DDX10: variants seen among roughly 807,000 people sequenced by gnomAD.
DDX10 encodes probable ATP-dependent RNA helicase DDX10.
DDX10 carries 74 observed loss-of-function variants against 104.3 expected under a neutral mutation model. The observed-to-expected ratio is 0.71, with a 90% CI of 0.59 to 0.86. The LOEUF is 0.86. Among genes scored for constraint, DDX10 ranks in the 40% least tolerant of loss-of-function variants. The pLI, the probability that DDX10 is intolerant of heterozygous loss-of-function variation, is 0.00. For missense variants in DDX10, 952 were observed against 1,040.0 expected (o/e 0.92, Z 1.16); for synonymous variants, 351 against 353.4 (o/e 0.99, Z 0.08).
chr11:108,827,871 A>G (rs1225452227), intron 13 of DDX10, among the ~76,000 whole-genome samples: 2 of 152,224 alleles, frequency 1.3e-5, no homozygotes, highest in Non-Finnish European at 2.9e-5. Context: ...AGTTGATGCC[A>G]TATTTTCATT....
chr11:108,757,891 A>G (rs1052986047), intron 13 of DDX10, among the ~76,000 whole-genome samples: 1 of 151,860 alleles, frequency 6.6e-6, no homozygotes, highest in African/African-American at 2.4e-5. Flanking sequence ...TTTTGGTTTT[A>G]TCAGTACCTT....
intron 16 of DDX10, among the ~76,000 whole-genome samples, chr11:108,909,833 A>T (rs1591121407): frequency 1.3e-5 from 2 of 152,326 alleles, no homozygotes; most frequent in Admixed American, 1.3e-4. Context: ...AGGCACCACA[A>T]CAGGCAAGAA....
rs532128849 is a variant in DDX10 at position 108,849,450 on chromosome 11, C to T, written c.2248-2703C>T. Among the ~76,000 whole-genome samples, 10 of 152,090 alleles carry T rather than the reference C, an allele frequency of 6.6e-5. No individual in the cohort carries two copies. In the South Asian group the frequency reaches 2.1e-3, roughly 32 times the overall value. ...GAATGAAAAAGTTTAAATTAGTAGT[C>T]ATGACTGCTCATGAAATTCATGTTT... On this transcript the variant is annotated intron_variant, in intron 15 of 17. Transcript: ENST00000322536.
chr11:108,751,754 A>G (rs1044246171), intron 13 of DDX10, among the ~76,000 whole-genome samples: 1 of 152,192 alleles, frequency 6.6e-6, no homozygotes, highest in Non-Finnish European at 1.5e-5. Flanking sequence ...CTTAAGATTC[A>G]CATCTCCCAT....
At chr11:108,699,697 C>T (rs529507083) in intron 9 of DDX10, among the ~76,000 whole-genome samples, 1 of 152,184 alleles carries the variant, frequency 6.6e-6, no homozygotes, top group Admixed American at 6.5e-5. Context: ...AGGGGGACTA[C>T]ACAAGGGTGT....
intron 16 of DDX10, among the ~76,000 whole-genome samples, chr11:108,878,485 T>C (rs1389994322): frequency 3.3e-5 from 5 of 152,230 alleles, no homozygotes; most frequent in Non-Finnish European, 7.3e-5. Context: ...GGTTTTCTTT[T>C]CTTGTTTTCT....
chr11:108,754,230 T>A (rs2094341922), intron 13 of DDX10, among the ~76,000 whole-genome samples: 1 of 152,056 alleles, frequency 6.6e-6, no homozygotes, highest in African/African-American at 2.4e-5. Flanking sequence ...CAGTATAGAT[T>A]CCAAAGGCCT....
intron 16 of DDX10, among the ~76,000 whole-genome samples, chr11:108,898,416 C>T (rs943278388): frequency 2.0e-5 from 3 of 151,914 alleles, no homozygotes; most frequent in Admixed American, 6.6e-5. Context: ...AATCATGTCC[C>T]CTAGAGGGTG....
chr11:108,925,750 C>T (rs115036839), intron 17 of DDX10, among the ~76,000 whole-genome samples: 1,533 of 151,804 alleles, frequency 0.01, 24 homozygotes, highest in African/African-American at 0.035. Context: ...TTTTAATTTT[C>T]GCTATTGTAA....
chr11:108,892,818 TA>T (rs1205059266), intron 16 of DDX10, among the ~76,000 whole-genome samples: 1 of 152,178 alleles, frequency 6.6e-6, no homozygotes, highest in East Asian at 1.9e-4. Context: ...AAAAGGTTAA[TA>T]ACCTTGGACT....
At chr11:108,761,358 T>A (rs2094350652) in intron 13 of DDX10, among the ~76,000 whole-genome samples, 1 of 152,170 alleles carries the variant, frequency 6.6e-6, no homozygotes, top group Non-Finnish European at 1.5e-5. Flanking sequence ...AGGCAGCGCC[T>A]CTAAATTTTT....
At chr11:108,718,688 G>C (rs939986294) in intron 11 of DDX10, among the ~76,000 whole-genome samples, 1 of 152,166 alleles carries the variant, frequency 6.6e-6, no homozygotes, top group Admixed American at 6.5e-5. Flanking sequence ...TGGTTGTCAC[G>C]CATGGTTTAG....
At chr11:108,760,705 A>G (rs1431412332) in intron 13 of DDX10, among the ~76,000 whole-genome samples, 2 of 148,212 alleles carry the variant, frequency 1.3e-5, no homozygotes, top group Non-Finnish European at 3.0e-5. Context: ...ATTGGACTTC[A>G]GGGCCTGTAT....
chr11:108,928,268 A>G (rs1411070216), intron 17 of DDX10, among the ~76,000 whole-genome samples: 1 of 152,242 alleles, frequency 6.6e-6, no homozygotes, highest in African/African-American at 2.4e-5. Context: ...ATAATATATC[A>G]GTGAATCAGT....
At chr11:108,744,554 A>G (rs1204797515) in intron 13 of DDX10, among the ~76,000 whole-genome samples, 1 of 152,182 alleles carries the variant, frequency 6.6e-6, no homozygotes, top group Non-Finnish European at 1.5e-5. Context: ...TAGCCTGAGT[A>G]TTTGGGAGTG....
At chr11:108,700,548 C>A (rs1184537933) in intron 9 of DDX10, among the ~76,000 whole-genome samples, 2 of 152,214 alleles carry the variant, frequency 1.3e-5, no homozygotes, top group Admixed American at 6.5e-5. Context: ...AGGTAGATGT[C>A]TTCAAATTTG....
intron 13 of DDX10, among the ~76,000 whole-genome samples, chr11:108,817,218 A>G (rs1862267739): frequency 6.6e-6 from 1 of 151,946 alleles, no homozygotes; most frequent in South Asian, 2.1e-4. Context: ...GGTAAAATCT[A>G]CCTCCTGACT....
intron 17 of DDX10, among the ~76,000 whole-genome samples, chr11:108,926,386 C>CACATATATCTACACATATGTGT (rs1863909057): frequency 1.3e-5 from 2 of 152,166 alleles, no homozygotes; most frequent in Non-Finnish European, 2.9e-5. Flanking sequence ...AGATATTTTA[C>CACATATATCTACACATATGTGT]AGATGGAAAC....
chr11:108,719,950 T>TCCC, intron 12 of DDX10, 65 bp downstream of exon 12: 3 of 1,028,364 alleles, frequency 2.9e-6, no homozygotes, highest in Non-Finnish European at 4.6e-6. Context: ...ATTAATTAAT[T>TCCC]TAGAGATGGG....
Sources: gnomAD v4.1 joint callset for allele counts (sites outside exome capture counted in the v4.1 genomes callset) on GRCh38, gnomAD v4.1.1 for gene constraint, MANE v1.5 for transcripts, NCBI Gene and HGNC (gene_info 2026-07-23, HGNC 2026-07-21) for gene names.